Variants in DPYD observed in about 807,000 individuals in gnomAD.
DPYD encodes dihydropyrimidine dehydrogenase.
Under a neutral mutation model 116.2 loss-of-function variants are expected in DPYD, and 109 were observed. The ratio of observed to expected loss-of-function variants is 0.94; its 90% confidence interval spans 0.80 to 1.10. The LOEUF is 1.10. DPYD is among the 50% of genes least tolerant of loss of function. The probability of loss-of-function intolerance (pLI) is 0.00; values close to 1 mark genes in which losing one functional copy is unlikely to be tolerated. For synonymous variants in DPYD, 440 were observed against 432.0 expected (o/e 1.02, Z -0.23); for missense variants, 1,302 against 1,254.5 (o/e 1.04, Z -0.57).
At chr1:97,560,759 T>A (rs957975800) in intron 11 of DPYD, among the ~76,000 whole-genome samples, 6 of 152,202 alleles carry the variant, frequency 3.9e-5, no homozygotes, top group African/African-American at 1.2e-4. Flanking sequence ...AAGAGACTAG[T>A]ACAAGATGAG....
intron 21 of DPYD, among the ~76,000 whole-genome samples, chr1:97,083,190 T>C (rs1165618310): frequency 6.6e-6 from 1 of 152,078 alleles, no homozygotes; most frequent in East Asian, 1.9e-4. Context: ...CAGACTATGT[T>C]TCATCAACAA....
At chr1:97,291,691 G>A (rs1666186491) in intron 18 of DPYD, among the ~76,000 whole-genome samples, 1 of 151,728 alleles carries the variant, frequency 6.6e-6, no homozygotes, top group African/African-American at 2.4e-5. Context: ...CTGTTGTGGG[G>A]TGGGGGGAGT....
intron 14 of DPYD, among the ~76,000 whole-genome samples, chr1:97,387,634 G>T (rs1032950984): frequency 6.6e-6 from 1 of 152,058 alleles, no homozygotes; most frequent in African/African-American, 2.4e-5. Flanking sequence ...TCAGTAAAAA[G>T]CTCCCTGAGT....
intron 8 of DPYD, among the ~76,000 whole-genome samples, chr1:97,633,148 A>G (rs1657367123): frequency 6.6e-6 from 1 of 152,200 alleles, no homozygotes; most frequent in African/African-American, 2.4e-5. Flanking sequence ...TAAAATGTGA[A>G]GTAAACCATG....
intron 18 of DPYD, among the ~76,000 whole-genome samples, chr1:97,281,036 T>C (rs10735793): frequency 0.41 from 61,592 of 151,930 alleles, 12,707 homozygotes; most frequent in African/African-American, 0.45. Flanking sequence ...AATACAACAT[T>C]ATTTTAAAAA....
At chr1:97,309,364 T>TGTGA (rs1491040190) in intron 16 of DPYD, among the ~76,000 whole-genome samples, 3 of 147,850 alleles carry the variant, frequency 2.0e-5, no homozygotes, top group Admixed American at 7.0e-5. Flanking sequence ...TGTGTGTGTG[T>TGTGA]GAGCATGTTC....
At chr1:97,886,373 A>T (rs1672486353) in intron 1 of DPYD, among the ~76,000 whole-genome samples, 1 of 152,018 alleles carries the variant, frequency 6.6e-6, no homozygotes, top group Non-Finnish European at 1.5e-5. Context: ...TGCAGCTGAC[A>T]GGTCAGGAGT....
chr1:97,280,088 C>G (rs1487179777), intron 18 of DPYD: 1 of 152,158 alleles, frequency 6.6e-6, no homozygotes, highest in Non-Finnish European at 1.5e-5. Flanking sequence ...ATCTCCTCTG[C>G]AATAAAGCTC....
chr1:97,655,341 T>C (rs564259043), intron 8 of DPYD, among the ~76,000 whole-genome samples: 1 of 152,300 alleles, frequency 6.6e-6, no homozygotes, highest in East Asian at 1.9e-4. Context: ...TCTTTTTCCT[T>C]AGAGGCTAAG....
At chr1:97,630,843 G>T (rs1414725766) in intron 8 of DPYD, among the ~76,000 whole-genome samples, 1 of 151,916 alleles carries the variant, frequency 6.6e-6, no homozygotes. Context: ...TTTTTGATAG[G>T]GAGCAAAGTA....
chr1:97,569,492 A>G (rs1187764648), intron 11 of DPYD, among the ~76,000 whole-genome samples: 1 of 149,762 alleles, frequency 6.7e-6, no homozygotes, highest in Non-Finnish European at 1.5e-5. Flanking sequence ...CATATTTTAA[A>G]TAAACGTTTA....
At chr1:97,578,126 G>A (rs567262945) in intron 10 of DPYD, among the ~76,000 whole-genome samples, 5 of 152,124 alleles carry the variant, frequency 3.3e-5, no homozygotes, top group South Asian at 4.1e-4. Flanking sequence ...GAATACAGGC[G>A]TAAGACACCA....
chr1:97,708,300 T>G (rs1662095936), intron 5 of DPYD, among the ~76,000 whole-genome samples: 1 of 152,154 alleles, frequency 6.6e-6, no homozygotes, highest in African/African-American at 2.4e-5. Flanking sequence ...CATTGAGGTT[T>G]ATGATCCATC....
chr1:97,793,934 G>GGTTTGTTT (rs557897367), intron 3 of DPYD, among the ~76,000 whole-genome samples: 10 of 151,910 alleles, frequency 6.6e-5, no homozygotes, highest in Admixed American at 3.9e-4. Flanking sequence ...TTGTTTGTTT[G>GGTTTGTTT]GTTTGTTTGT....
chr1:97,515,170 C>G (rs895821520), intron 13 of DPYD, among the ~76,000 whole-genome samples: 1 of 151,918 alleles, frequency 6.6e-6, no homozygotes, highest in Admixed American at 6.6e-5. Flanking sequence ...AAGACTCAAT[C>G]TCAACTTTAA....
chr1:97,654,393 A>G (rs1236015085), intron 8 of DPYD, among the ~76,000 whole-genome samples: 1 of 152,190 alleles, frequency 6.6e-6, no homozygotes, highest in Non-Finnish European at 1.5e-5. Context: ...CAGCCAATAT[A>G]TAAAGATTTA....
In DPYD at chr1:97,653,748, A is replaced by G. The variant is rs557648077; in HGVS notation, c.850+25347T>C. Among the ~76,000 whole-genome samples the G allele has an allele frequency of 1.6e-3, 236 of 152,060 alleles. 1 individual carries two copies. The highest frequency in any genetic ancestry group is 5.4e-3 in the African/African-American group (225 of 41,456). ...CTACCTTCTCCTCTCACCTTTTTAT[A>G]GGGAAGGGTCTGCAATATTTTTGTA... On this transcript the variant is annotated intron_variant, in intron 8 of 22. Transcript: ENST00000370192.
chr1:97,862,421 T>G (rs1336053528), intron 2 of DPYD, among the ~76,000 whole-genome samples: 1 of 151,756 alleles, frequency 6.6e-6, no homozygotes, highest in Non-Finnish European at 1.5e-5. Context: ...AGAAAAAATA[T>G]ATTAAATAAG....
intron 3 of DPYD, among the ~76,000 whole-genome samples, chr1:97,805,000 A>G (rs1224849701): frequency 2.6e-5 from 4 of 151,952 alleles, no homozygotes; most frequent in Non-Finnish European, 5.9e-5. Context: ...CAAGCAATCT[A>G]GCTACATTTT....
Sources: gnomAD v4.1 joint callset for allele counts (sites outside exome capture counted in the v4.1 genomes callset) on GRCh38, gnomAD v4.1.1 for gene constraint, MANE v1.5 for transcripts, NCBI Gene and HGNC (gene_info 2026-07-23, HGNC 2026-07-21) for gene names.